The following FARP1 variants were observed in gnomAD, a reference collection of about 807,000 sequenced individuals.
The protein encoded by FARP1 is FERM, ARH/RhoGEF and pleckstrin domain protein 1, also known as FERM, ARHGEF and pleckstrin domain-containing protein 1.
Under a neutral mutation model 128.8 loss-of-function variants are expected in FARP1, and 52 were observed. The observed-to-expected ratio is 0.40, with a 90% CI of 0.32 to 0.51. The LOEUF (loss-of-function observed/expected upper bound fraction) is 0.51. FARP1 is among the 20% of genes least tolerant of loss of function. FARP1 has a pLI of 0.45. For missense variants in FARP1, 1,333 were observed against 1,367.9 expected, an observed-to-expected ratio of 0.97 and a Z score of 0.40; for synonymous variants, 580 against 551.8, an observed-to-expected ratio of 1.05 and a Z score of -0.72.
chr13:98,419,483 T>TACACAC (rs57751374), intron 16 of FARP1, among the ~76,000 whole-genome samples: 18,259 of 139,862 alleles, frequency 0.13, 1,298 homozygotes, highest in Middle Eastern at 0.21. Context: ...CAAAAAAAAA[T>TACACAC]ACACACACAC....
intron 13 of FARP1, chr13:98,404,397 G>A (rs531214105): frequency 3.8e-5 from 5 of 132,134 alleles, no homozygotes; most frequent in Admixed American, 7.2e-5. Flanking sequence ...CCAGCTTTGC[G>A]TATTCCACTG....
intron 1 of FARP1, among the ~76,000 whole-genome samples, chr13:98,171,940 C>T (rs1877684208): frequency 6.6e-6 from 1 of 152,200 alleles, no homozygotes; most frequent in South Asian, 2.1e-4. Flanking sequence ...CAGAAAATCA[C>T]ATTCAGCCTG....
chr13:98,440,077 C>T, intron 22 of FARP1, 34 bp downstream of exon 22: 1 of 1,610,128 alleles, frequency 6.2e-7, no homozygotes, highest in Non-Finnish European at 8.5e-7. Flanking sequence ...CCTGTTTCCC[C>T]TTTGATGTGC....
chr13:98,368,398 T>G lies in FARP1; in HGVS notation c.398+203T>G, dbSNP rs143958112. Among the ~76,000 whole-genome samples, 179 of 152,324 alleles carry G rather than the reference T, an allele frequency of 1.2e-3. 1 individual carries two copies. Among genetic ancestry groups the G allele is most frequent in the Non-Finnish European group, 2.1e-3 (145 of 68,024 alleles). ...GTACTGTTTTCCCTAAAACTTGGTTTCTTGAAGGTTGTGATATGAAGTGAA... is the reference window on the plus strand; with the variant it reads ...GTACTGTTTTCCCTAAAACTTGGTTGCTTGAAGGTTGTGATATGAAGTGAA... On this transcript the variant is annotated intron_variant, in intron 5 of 26. Coordinates refer to ENST00000319562, the MANE Select transcript of FARP1 (RefSeq NM_005766.4).
intron 21 of FARP1, among the ~76,000 whole-genome samples, chr13:98,439,534 C>T (rs1407469066): frequency 6.6e-6 from 1 of 152,196 alleles, no homozygotes; most frequent in Admixed American, 6.5e-5. Context: ...CTGTGCCTGG[C>T]CCCAGGGGCC....
intron 2 of FARP1, among the ~76,000 whole-genome samples, chr13:98,317,367 C>T (rs536564210): frequency 4.4e-4 from 67 of 152,276 alleles, no homozygotes; most frequent in African/African-American, 1.4e-3. Flanking sequence ...TCAAGGGATC[C>T]GCCTGCCTCA....
In FARP1 at chr13:98,385,689, G is replaced by T; in HGVS notation, c.634G>T (p.Asp212Tyr). 6.2e-7 allele frequency: 1 copy of T among 1,614,204 alleles called. No homozygotes were observed. Among genetic ancestry groups the T allele is most frequent in the East Asian group, 2.2e-5 (1 of 44,888 alleles). The change falls in exon 8 of 27, where the codon GAT becomes TAT. Residue 212 changes from aspartate (D) to tyrosine (Y), a missense_variant. Transcript: ENST00000319562. ...NHIGQTPAES[D>Y]FQLLEIARRL... ...CAGTGGACAAACACCAGCAGAATCA[G>T]ATTTCCAGCTCCTAGAGATTGCCCG...
intron 2 of FARP1, among the ~76,000 whole-genome samples, chr13:98,327,138 A>G (rs1460359780): frequency 6.6e-6 from 1 of 152,240 alleles, no homozygotes; most frequent in Non-Finnish European, 1.5e-5. Flanking sequence ...GTCAAATCAT[A>G]GAAGTATTAA....
At position 98,150,326 on chromosome 13, in the gene FARP1, C is replaced by T. The variant is rs969433106; in HGVS notation, c.-24+6834C>T. Among the ~76,000 whole-genome samples the T allele has an allele frequency of 1.8e-4, 28 of 152,158 alleles. 1 individual carries two copies. The highest frequency in any genetic ancestry group is 3.1e-4 in the Non-Finnish European group (21 of 68,028). ...GATTACAGGCTTGAGTCACTGCGTC[C>T]GGCAGATCTTTACTGTTTTTAATTT... On this transcript the variant is annotated intron_variant, in intron 1 of 26. Coordinates refer to ENST00000319562, the MANE Select transcript of FARP1 (RefSeq NM_005766.4).
chr13:98,395,859 C>T, intron 13 of FARP1: 1 of 400,530 alleles, frequency 2.5e-6, no homozygotes, highest in East Asian at 3.6e-5. Flanking sequence ...GCCCCCTGGC[C>T]ACCCCATTGT....
chr13:98,324,958 T>C (rs1887169329), intron 2 of FARP1, among the ~76,000 whole-genome samples: 1 of 152,264 alleles, frequency 6.6e-6, no homozygotes, highest in African/African-American at 2.4e-5. Flanking sequence ...TTGTTGGCCA[T>C]GCCTTAATGC....
rs535576448 is a variant in FARP1 at position 98,326,077 on chromosome 13, AAATC to A, written c.172-17682_172-17679del. On this transcript the variant is annotated intron_variant, in intron 2 of 26. Coordinates refer to ENST00000319562, the MANE Select transcript of FARP1 (RefSeq NM_005766.4). ...GCTGACTGCTTTGAAAAATGAATGA[AAATC>A]AAACATAAAGACACAAATGGCTTCG... is the stretch of plus-strand genomic sequence containing the variant. 2.9e-4 allele frequency among the ~76,000 whole-genome samples: 44 copies of A among 152,352 alleles called. No individual in the cohort carries two copies. The South Asian group carries it at 8.1e-3, about 28-fold the overall frequency.
chr13:98,348,951 C>T (rs1888292412), intron 3 of FARP1, among the ~76,000 whole-genome samples: 1 of 152,190 alleles, frequency 6.6e-6, no homozygotes, highest in Admixed American at 6.5e-5. Context: ...CCAGGATCCA[C>T]ACAGAGCCTC....
At chr13:98,299,004 T>C (rs1306774148) in intron 2 of FARP1, among the ~76,000 whole-genome samples, 1 of 152,224 alleles carries the variant, frequency 6.6e-6, no homozygotes, top group Non-Finnish European at 1.5e-5. Flanking sequence ...TAAGATGCTA[T>C]CTGGCGGGAG....
At position 98,446,817 on chromosome 13, in the gene FARP1, G is replaced by A. The variant is rs1892870369; in HGVS notation, c.3056G>A (p.Arg1019Lys). 17 of 1,614,040 alleles carry A rather than the reference G, an allele frequency of 1.1e-5. No homozygotes were observed. The highest frequency in any genetic ancestry group is 1.4e-5 in the Non-Finnish European group (17 of 1,179,974). ...GCGGAAAGCGAGTACACGTTCGAAA[G>A]GTAGACACCCCCTTCCCACGCACAG... ...FRAESEYTFE[R>K]WMEVIRSATS... Residue 1019 changes from arginine to lysine, a missense_variant and splice_region_variant, in exon 26 of 27, where the codon AGG becomes AAG. Arg to Lys is a conservative substitution (Grantham distance 26). This residue lies in a region of FARP1 where 1,009 missense variants were observed against 969.8 expected (regional missense o/e 1.04). Transcript: ENST00000319562.
chr13:98,370,612 A>C, intron 5 of FARP1, among the ~76,000 whole-genome samples: 1 of 151,564 alleles, frequency 6.6e-6, no homozygotes. Flanking sequence ...TAAAATGAGA[A>C]AAGGATGGAG....
chr13:98,376,134 C>G (rs1889573625), intron 5 of FARP1, among the ~76,000 whole-genome samples: 1 of 152,132 alleles, frequency 6.6e-6, no homozygotes, highest in Admixed American at 6.5e-5. Flanking sequence ...CTTTGTGTTA[C>G]AAACAATCCA....
At chr13:98,254,617 A>G (rs1447187216) in intron 2 of FARP1, among the ~76,000 whole-genome samples, 2 of 151,954 alleles carry the variant, frequency 1.3e-5, no homozygotes, top group South Asian at 2.1e-4. Flanking sequence ...AGCCAAATGC[A>G]TGGCGGTGTA....
rs1477859562 is a variant in FARP1, at chr13:98,395,393, C to T, written c.1331C>T (p.Ala444Val). Residue 444 changes from alanine to valine, a missense_variant, in exon 13 of 27, where the codon GCC becomes GTC. This residue lies in a region of FARP1 where 1,009 missense variants were observed against 969.8 expected (regional missense o/e 1.04). Coordinates refer to ENST00000319562, the MANE Select transcript of FARP1 (RefSeq NM_005766.4). ...PAGNKQADGA[A>V]SAPTEEEEEV... ...GGTAACAAGCAGGCGGACGGAGCCG[C>T]CTCGGCGCCCACGGAGGAAGAGGAG... 1.2e-6 allele frequency: 2 copies of T among 1,611,618 alleles called. No homozygotes were observed. The highest frequency in any genetic ancestry group is 1.7e-6 in the Non-Finnish European group (2 of 1,178,964).
Sources: gnomAD v4.1 joint callset for allele counts (sites outside exome capture counted in the v4.1 genomes callset) on GRCh38, gnomAD v4.1.1 for gene constraint, gnomAD v4.1.1 regional missense constraint, MANE v1.5 for transcripts, NCBI Gene and HGNC (gene_info 2026-07-23, HGNC 2026-07-21) for gene names.